The following PCDHGA9 variants were observed in gnomAD, a reference collection of about 807,000 sequenced individuals.
PCDHGA9 encodes protocadherin gamma subfamily A, 9.
A neutral mutation model predicts 62.5 loss-of-function variants in PCDHGA9; 37 were observed. The ratio of observed to expected loss-of-function variants is 0.59; its 90% CI spans 0.46 to 0.78. The LOEUF (loss-of-function observed/expected upper bound fraction) is 0.78, where lower values mean the gene tolerates loss of function less well. PCDHGA9 is among the 30% of genes least tolerant of loss of function. PCDHGA9 has a pLI of 0.00. For synonymous variants in PCDHGA9, 459 were observed against 484.6 expected, an observed-to-expected ratio of 0.95 and a Z score of 0.69; for missense variants, 1,138 against 1,166.2, an observed-to-expected ratio of 0.98 and a Z score of 0.35.
At chr5:141,508,604 A>G (rs2099870124) in intron 3 of PCDHGA9, among the ~76,000 whole-genome samples, 1 of 152,150 alleles carries the variant, frequency 6.6e-6, no homozygotes, top group African/African-American at 2.4e-5. Flanking sequence ...TCTTGGGTGC[A>G]CATAGGACGT....
At chr5:141,410,471 G>GC in intron 1 of PCDHGA9, 1 of 1,613,988 alleles carries the variant, frequency 6.2e-7, no homozygotes, top group Non-Finnish European at 8.5e-7. Flanking sequence ...TCTGTGCATT[G>GC]CACATACGGG....
intron 1 of PCDHGA9, among the ~76,000 whole-genome samples, chr5:141,461,267 T>C (rs2099012147): frequency 6.6e-6 from 1 of 152,140 alleles, no homozygotes; most frequent in Admixed American, 6.6e-5. Flanking sequence ...AATGTGTAAG[T>C]GTTCTCTTTT....
chr5:141,432,049 G>T lies in PCDHGA9; in HGVS notation c.2424+26673G>T. The T allele has an allele frequency of 7.4e-6, 12 of 1,614,150 alleles. No individual in the cohort carries two copies. Among genetic ancestry groups the T allele is most frequent in the Non-Finnish European group, 1.0e-5 (12 of 1,180,028 alleles). Reference sequence around the variant, plus strand: ...TGACCGCCACTGACCGGGGAACCCCGCCCCTATCCACGGAAACTCATATCT... The same window carrying T: ...TGACCGCCACTGACCGGGGAACCCCTCCCCTATCCACGGAAACTCATATCT... On this transcript the variant is annotated intron_variant, in intron 1 of 3. Coordinates refer to ENST00000573521, the MANE Select transcript of PCDHGA9 (RefSeq NM_018921.3). The surrounding 1 kb of genome is among the most constrained non-coding windows in gnomAD (Gnocchi z 6.0).
chr5:141,450,015 T>A (rs911475310), intron 1 of PCDHGA9, among the ~76,000 whole-genome samples: 12 of 149,806 alleles, frequency 8.0e-5, no homozygotes, highest in Non-Finnish European at 1.6e-4. Flanking sequence ...TCTTTTTTTT[T>A]TTTTTTTTTG....
rs777761385 is a variant in PCDHGA9 at position 141,489,558 on chromosome 5, G to T, written c.2425-5249G>T. 1.1e-5 allele frequency: 17 copies of T among 1,614,130 alleles called. No homozygotes were observed. In the South Asian group the frequency reaches 1.8e-4, roughly 17 times the overall value. On this transcript the variant is annotated intron_variant, in intron 1 of 3. Coordinates refer to ENST00000573521, the MANE Select transcript of PCDHGA9 (RefSeq NM_018921.3). The surrounding 1 kb of genome is among the most constrained non-coding windows in gnomAD (Gnocchi z 4.5). Reference sequence around the variant, plus strand: ...CCAGCACCAGCTGCCTGCTGCCAGTGCAGGTGGTGACTGAACACCCCCTGG... The same window carrying T: ...CCAGCACCAGCTGCCTGCTGCCAGTTCAGGTGGTGACTGAACACCCCCTGG...
rs532907359 is a variant in PCDHGA9, at chr5:141,500,353, C to T, written c.2484-5040C>T. 1.9e-4 allele frequency among the ~76,000 whole-genome samples: 29 copies of T among 152,052 alleles called. No homozygotes were observed. The East Asian group carries it at 5.2e-3, about 27-fold the overall frequency. The stretch of plus-strand genomic sequence containing the variant: ...CCTCCAGAATAGCTGGGACTACAGG[C>T]GCCCACTACCACGCCCGGCTAATTA... On this transcript the variant is annotated intron_variant, in intron 2 of 3. Transcript: ENST00000573521.
At chr5:141,458,434 G>T (rs535464730) in intron 1 of PCDHGA9, among the ~76,000 whole-genome samples, 1 of 152,198 alleles carries the variant, frequency 6.6e-6, no homozygotes, top group African/African-American at 2.4e-5. Context: ...GAAAGAGGAG[G>T]TCCCCCACAT....
chr5:141,431,296 C>T lies in PCDHGA9; in HGVS notation c.2424+25920C>T, dbSNP rs2097358592. On this transcript the variant is annotated intron_variant, in intron 1 of 3. Transcript: ENST00000573521. The surrounding 1 kb of genome is among the most constrained non-coding windows in gnomAD (Gnocchi z 4.8). ...AGCTCAGCCCGAACACTCACTTCTC[C>T]CTCATCGTGCAAAATGGAGCCGACG... The T allele has an allele frequency of 1.9e-6, 3 of 1,614,018 alleles. No individual in the cohort carries two copies. Among genetic ancestry groups the T allele is most frequent in the Non-Finnish European group, 2.5e-6 (3 of 1,180,048 alleles).
chr5:141,497,111 G>A (rs899232924), intron 2 of PCDHGA9, among the ~76,000 whole-genome samples: 16 of 152,010 alleles, frequency 1.1e-4, no homozygotes, highest in Non-Finnish European at 1.2e-4. Context: ...GCTTGAACCC[G>A]GAAGGCAGAG....
intron 1 of PCDHGA9, chr5:141,413,287 T>C (rs937508313): frequency 6.2e-7 from 1 of 1,613,950 alleles, no homozygotes. Flanking sequence ...GATCTCCTAC[T>C]CAATTCCTGA....
intron 1 of PCDHGA9, chr5:141,409,879 A>G (rs1175297210): frequency 1.9e-6 from 3 of 1,612,734 alleles, no homozygotes; most frequent in African/African-American, 2.7e-5. Flanking sequence ...ATGACAACGC[A>G]CCGCGGGTGC....
chr5:141,482,752 T>C (rs1361016909), intron 1 of PCDHGA9, among the ~76,000 whole-genome samples: 1 of 127,096 alleles, frequency 7.9e-6, no homozygotes, highest in Non-Finnish European at 1.6e-5. Context: ...AGAGGGATTA[T>C]GGTATTTCAT....
rs1004176028 is a variant in PCDHGA9 at position 141,477,025 on chromosome 5, G to A, written c.2425-17782G>A. On this transcript the variant is annotated intron_variant, in intron 1 of 3. Transcript: ENST00000573521. This position sits in a 1 kb window ranked among gnomAD's most constrained non-coding sequence, Gnocchi z 4.9. ...TCGCCTTAGACCTTGTAACCGGGATGCTGACAATCAAGGGTCGGCTGGACT... is the reference window on the plus strand; with the variant it reads ...TCGCCTTAGACCTTGTAACCGGGATACTGACAATCAAGGGTCGGCTGGACT... 10 of 1,614,146 alleles carry A rather than the reference G, an allele frequency of 6.2e-6. No homozygotes were observed. Among genetic ancestry groups the A allele is most frequent in the East Asian group, 2.2e-5 (1 of 44,888 alleles).
intron 1 of PCDHGA9, among the ~76,000 whole-genome samples, chr5:141,456,276 C>T (rs1319517390): frequency 1.3e-5 from 2 of 152,146 alleles, no homozygotes; most frequent in South Asian, 4.1e-4. Flanking sequence ...CTACTTCCTG[C>T]TGAAAAGGGG....
At chr5:141,455,661 T>TG (rs2098828692) in intron 1 of PCDHGA9, among the ~76,000 whole-genome samples, 1 of 152,024 alleles carries the variant, frequency 6.6e-6, no homozygotes, top group South Asian at 2.1e-4. Context: ...CAGGAACTTG[T>TG]GGGGCAAGGG....
chr5:141,507,901 G>T (rs1332204823), intron 3 of PCDHGA9, among the ~76,000 whole-genome samples: 1 of 152,216 alleles, frequency 6.6e-6, no homozygotes, highest in Non-Finnish European at 1.5e-5. Flanking sequence ...CTGAAGTCCA[G>T]CCCAGCCAGG....
intron 1 of PCDHGA9, chr5:141,415,060 G>C (rs1428839232): frequency 1.2e-6 from 2 of 1,613,426 alleles, no homozygotes; most frequent in Admixed American, 1.7e-5. Flanking sequence ...GCACACGGGC[G>C]AGGTGCGCAC....
Position 141,404,909 on chromosome 5 carries a change from C to CCT in PCDHGA9, c.1963_1964dup (p.Ala656ArgfsTer8). On this transcript the variant is annotated frameshift_variant, in exon 1 of 4. Transcript: ENST00000573521. LOFTEE classifies it high-confidence loss of function. ...GGCTGTACAGGACCATGGCCAGCCCCCTCTCTCGGCCACTGTCACGCTCAC... is the reference window on the plus strand; with the variant it reads ...GGCTGTACAGGACCATGGCCAGCCCCCTCTCTCTCGGCCACTGTCACGCTCAC... 1 of 1,613,916 alleles carries CCT rather than the reference C, an allele frequency of 6.2e-7. No homozygotes were observed. The highest frequency in any genetic ancestry group is 8.5e-7 in the Non-Finnish European group (1 of 1,179,882).
chr5:141,450,887 C>A (rs531604055), intron 1 of PCDHGA9, among the ~76,000 whole-genome samples: 1 of 148,582 alleles, frequency 6.7e-6, no homozygotes, highest in East Asian at 2.0e-4. Flanking sequence ...TGCAGTGGTG[C>A]GATATCGGCT....
Sources: gnomAD v4.1 joint callset for allele counts (sites outside exome capture counted in the v4.1 genomes callset) on GRCh38, gnomAD v4.1.1 for gene constraint, Gnocchi (gnomAD v3.1) non-coding constraint, MANE v1.5 for transcripts, NCBI Gene and HGNC (gene_info 2026-07-23, HGNC 2026-07-21) for gene names.